Variants in PTPRG observed in about 807,000 individuals in gnomAD.
The protein encoded by PTPRG is receptor-type tyrosine-protein phosphatase gamma.
A neutral mutation model predicts 165.3 loss-of-function variants in PTPRG; 102 were observed. The ratio of observed to expected loss-of-function variants is 0.62; its 90% CI spans 0.53 to 0.73. The LOEUF is 0.73. Ranked by LOEUF, PTPRG falls within the 30% of genes least tolerant of loss-of-function variation. The pLI is 0.00. For missense variants in PTPRG, 1,866 were observed against 1,861.4 expected, an observed-to-expected ratio of 1.00 and a Z score of -0.05; for synonymous variants, 675 against 669.5, an observed-to-expected ratio of 1.01 and a Z score of -0.13.
chr3:61,712,096 G>C (rs1575604121), intron 1 of PTPRG, among the ~76,000 whole-genome samples: 1 of 152,068 alleles, frequency 6.6e-6, no homozygotes, highest in South Asian at 2.1e-4. Flanking sequence ...GTTTCGCCAT[G>C]TTGGCCAGGC....
intron 1 of PTPRG, among the ~76,000 whole-genome samples, chr3:61,672,074 C>G (rs1254202236): frequency 6.7e-6 from 1 of 148,514 alleles, no homozygotes; most frequent in African/African-American, 2.5e-5. Context: ...CTCCTCACAT[C>G]CCGGACGGGG....
rs58630476 is a variant in PTPRG at position 62,140,851 on chromosome 3, CAAAAAAA to C, written c.682+8200_682+8206del. ...GACAGAGTGAGATGAGACTCGGTCT[CAAAAAAA>C]AAAAAAAAAAAAAAAAGAGTGGGGT... On this transcript the variant is annotated intron_variant, in intron 6 of 29. Transcript: ENST00000474889. 4.9e-4 allele frequency among the ~76,000 whole-genome samples: 35 copies of C among 71,182 alleles called. No homozygotes were observed. The South Asian group carries it at 5.4e-3, about 11-fold the overall frequency. The allele number at this position is 71,182 out of a possible 152,430, so 46.7% of individuals were successfully genotyped here.
At chr3:61,959,944 C>T (rs1357432445) in intron 2 of PTPRG, among the ~76,000 whole-genome samples, 4 of 152,206 alleles carry the variant, frequency 2.6e-5, no homozygotes, top group Admixed American at 6.5e-5. Context: ...CTGTTCTCAT[C>T]GTTGTCTTCT....
intron 2 of PTPRG, among the ~76,000 whole-genome samples, chr3:61,854,851 A>C (rs1454454896): frequency 6.6e-6 from 1 of 152,216 alleles, no homozygotes; most frequent in African/African-American, 2.4e-5. Flanking sequence ...AGGTTCCGTT[A>C]TATTGCTGGC....
At chr3:62,182,877 G>A (rs1271293568) in intron 8 of PTPRG, among the ~76,000 whole-genome samples, 1 of 152,036 alleles carries the variant, frequency 6.6e-6, no homozygotes, top group South Asian at 2.1e-4. Flanking sequence ...GGATGGTCTC[G>A]ATCTCTTGAC....
chr3:61,759,150 G>C (rs1188498710), intron 2 of PTPRG, among the ~76,000 whole-genome samples: 1 of 152,076 alleles, frequency 6.6e-6, no homozygotes, highest in African/African-American at 2.4e-5. Flanking sequence ...CTGAAGGGTG[G>C]TTATCTTCTT....
intron 1 of PTPRG, among the ~76,000 whole-genome samples, chr3:61,577,118 G>C (rs187547513): frequency 8.5e-4 from 130 of 152,264 alleles, no homozygotes; most frequent in Non-Finnish European, 8.1e-4. Context: ...TAAGTTGATT[G>C]TTACCTTTAG....
intron 4 of PTPRG, among the ~76,000 whole-genome samples, chr3:62,073,873 G>T (rs780385048): frequency 7.2e-5 from 11 of 152,276 alleles, no homozygotes; most frequent in Non-Finnish European, 1.3e-4. Flanking sequence ...ATGAAGATGG[G>T]GTTGGAAGAG....
chr3:61,810,193 C>T (rs2035533619), intron 2 of PTPRG, among the ~76,000 whole-genome samples: 1 of 152,124 alleles, frequency 6.6e-6, no homozygotes, highest in African/African-American at 2.4e-5. Context: ...AACAATACGA[C>T]TGGTACAGAG....
intron 2 of PTPRG, among the ~76,000 whole-genome samples, chr3:61,816,947 G>A (rs942482940): frequency 1.4e-5 from 2 of 142,506 alleles, no homozygotes; most frequent in East Asian, 2.0e-4. Context: ...AAGCTTTTTG[G>A]TAGTACCTGA....
chr3:62,234,378 C>G (rs1700976283), intron 14 of PTPRG, among the ~76,000 whole-genome samples: 1 of 152,162 alleles, frequency 6.6e-6, no homozygotes, highest in Non-Finnish European at 1.5e-5. Context: ...TCACAAGGTA[C>G]ATGCTATTGT....
At chr3:62,191,007 A>T (rs1196715404) in intron 8 of PTPRG, among the ~76,000 whole-genome samples, 1 of 152,192 alleles carries the variant, frequency 6.6e-6, no homozygotes, top group East Asian at 1.9e-4. Flanking sequence ...CTAGAGGAGA[A>T]GCGTCAGAAT....
At chr3:61,990,965 C>G (rs753165802) in intron 3 of PTPRG, among the ~76,000 whole-genome samples, 2 of 137,380 alleles carry the variant, frequency 1.5e-5, no homozygotes, top group Non-Finnish European at 3.1e-5. Context: ...CATTTTCTTT[C>G]TTTCTCCAAA....
At chr3:62,014,544 A>G (rs938368047) in intron 4 of PTPRG, among the ~76,000 whole-genome samples, 8 of 152,120 alleles carry the variant, frequency 5.3e-5, no homozygotes, top group Non-Finnish European at 7.4e-5. Flanking sequence ...GAATCTCCCT[A>G]TTAAAACCTT....
intron 2 of PTPRG, among the ~76,000 whole-genome samples, chr3:61,945,311 G>C (rs893405315): frequency 2.0e-5 from 3 of 152,090 alleles, no homozygotes; most frequent in Non-Finnish European, 4.4e-5. Flanking sequence ...TGTAATCTCA[G>C]CACTTTGGGA....
intron 1 of PTPRG, among the ~76,000 whole-genome samples, chr3:61,738,326 A>ATATG (rs1553657859): frequency 9.0e-6 from 1 of 110,710 alleles, no homozygotes; most frequent in East Asian, 2.6e-4. Context: ...ATATATATAT[A>ATATG]TATATATATA....
At chr3:61,741,051 A>G (rs951149835) in intron 1 of PTPRG, among the ~76,000 whole-genome samples, 2 of 152,196 alleles carry the variant, frequency 1.3e-5, no homozygotes, top group African/African-American at 4.8e-5. Context: ...ATATTTAATT[A>G]CTTTTAACTT....
At chr3:61,575,104 T>A (rs1273548187) in intron 1 of PTPRG, among the ~76,000 whole-genome samples, 1 of 152,212 alleles carries the variant, frequency 6.6e-6, no homozygotes, top group Non-Finnish European at 1.5e-5. Context: ...GTTAGAGTTC[T>A]TTCTGAACAT....
rs370421532 is a variant in PTPRG, at chr3:61,580,027, AAT to A, written c.85+17658_85+17659del. ...CTGAGAAATATTGAAAAAAATAAAAAATATGTCATAAATGCATAAGATGCATG... is the reference window on the plus strand; with the variant it reads ...CTGAGAAATATTGAAAAAAATAAAAAATGTCATAAATGCATAAGATGCATG... On this transcript the variant is annotated intron_variant, in intron 1 of 29. Coordinates refer to ENST00000474889, the MANE Select transcript of PTPRG (RefSeq NM_002841.4). Among the ~76,000 whole-genome samples the A allele has an allele frequency of 6.3e-3, 959 of 152,362 alleles. 7 individuals carry two copies. The highest frequency in any genetic ancestry group is 0.033 in the South Asian group (157 of 4,828).
Sources: gnomAD v4.1 joint callset for allele counts (sites outside exome capture counted in the v4.1 genomes callset) on GRCh38, gnomAD v4.1.1 for gene constraint, MANE v1.5 for transcripts, NCBI Gene and HGNC (gene_info 2026-07-23, HGNC 2026-07-21) for gene names.